RFX4: variants seen among roughly 807,000 people sequenced by gnomAD.
RFX4 encodes the protein regulatory factor X4.
RFX4 carries 10 observed loss-of-function variants against 95.0 expected under a neutral mutation model. That is an observed-to-expected ratio of 0.11 (90% CI 0.06 to 0.18). The LOEUF (loss-of-function observed/expected upper bound fraction) is 0.18, where lower values mean the gene tolerates loss of function less well. RFX4 is among the 10% of genes least tolerant of loss of function. The pLI is 1.00. For synonymous variants in RFX4, 321 were observed against 340.7 expected, an observed-to-expected ratio of 0.94 and a Z score of 0.64; for missense variants, 640 against 922.0, an observed-to-expected ratio of 0.69 and a Z score of 3.96.
At chr12:106,747,725 C>G in intron 16 of RFX4, 126 bp downstream of exon 16, 3 of 1,002,170 alleles carry the variant, frequency 3.0e-6, no homozygotes, top group East Asian at 5.1e-5. Flanking sequence ...GTCAGGAGTT[C>G]GAGACCAGCC....
chr12:106,608,040 A>AATAAAAAT (rs2039874385), intron 1 of RFX4, among the ~76,000 whole-genome samples: 2 of 152,236 alleles, frequency 1.3e-5, no homozygotes, highest in Non-Finnish European at 2.9e-5. Flanking sequence ...TAAAAATACA[A>AATAAAAAT]AAATTAGCCG....
intron 15 of RFX4, among the ~76,000 whole-genome samples, chr12:106,740,711 G>A (rs1413176595): frequency 6.6e-6 from 1 of 152,170 alleles, no homozygotes. Context: ...GAAGTAAACT[G>A]CCAGGTAAAG....
chr12:106,685,711 G>T (rs1488339988), intron 5 of RFX4, among the ~76,000 whole-genome samples: 1 of 152,152 alleles, frequency 6.6e-6, no homozygotes, highest in African/African-American at 2.4e-5. Context: ...TAGCACTGTG[G>T]CTTCATAGTC....
intron 3 of RFX4, among the ~76,000 whole-genome samples, chr12:106,646,431 CAAAAAAA>C (rs56305939): frequency 5.6e-4 from 37 of 66,258 alleles, no homozygotes; most frequent in Admixed American, 1.4e-3. Context: ...TAGTTTTATC[CAAAAAAA>C]AAAAAAAAAA....
chr12:106,657,704 A>C lies in RFX4; in HGVS notation c.315+3353A>C, dbSNP rs565988214. Among the ~76,000 whole-genome samples, 5 of 152,292 alleles carry C rather than the reference A, an allele frequency of 3.3e-5. No homozygotes were observed. The South Asian group carries it at 8.3e-4, about 25-fold the overall frequency. ...ATAATCCCTCACAAAACTAGGGATAAAATGAGACAGTGCTTATGAGGGCGT... is the reference window on the plus strand; with the variant it reads ...ATAATCCCTCACAAAACTAGGGATACAATGAGACAGTGCTTATGAGGGCGT... On this transcript the variant is annotated intron_variant, in intron 4 of 17. Coordinates refer to ENST00000392842, the MANE Select transcript of RFX4 (RefSeq NM_213594.3).
rs1565998594 is a variant in RFX4 at position 106,732,229 on chromosome 12, T to C, written c.1451T>C (p.Met484Thr). The change falls in exon 14 of 18, where the codon ATG (methionine) becomes ACG (threonine). Residue 484 changes from methionine to threonine, a missense_variant. By Grantham distance (81) the Met-to-Thr change is moderately conservative. This residue lies in a region of RFX4 where 300 missense variants were observed against 346.8 expected (regional missense o/e 0.87). Coordinates refer to ENST00000392842, the MANE Select transcript of RFX4 (RefSeq NM_213594.3). ...QERANELMRA[M>T]KGEGSTAEVR... ...CGGGCCAATGAGCTCATGCGAGCCA[T>C]GAAGGGAGAAGGAAGCACTGGTAAG... is the stretch of plus-strand genomic sequence containing the variant. The C allele has an allele frequency of 6.2e-7, 1 of 1,613,916 alleles. No individual in the cohort carries two copies. The highest frequency in any genetic ancestry group is 1.7e-5 in the Admixed American group (1 of 60,018).
intron 10 of RFX4, among the ~76,000 whole-genome samples, chr12:106,712,502 G>T (rs2042209910): frequency 6.6e-6 from 1 of 152,252 alleles, no homozygotes; most frequent in African/African-American, 2.4e-5. Flanking sequence ...TTGGTTCTGG[G>T]TGGGTTCAAG....
chr12:106,644,006 G>A (rs1043286234), intron 3 of RFX4, among the ~76,000 whole-genome samples: 3 of 152,132 alleles, frequency 2.0e-5, no homozygotes, highest in Non-Finnish European at 4.4e-5. Flanking sequence ...AGTTTCTGAA[G>A]TATGGTTTTT....
At chr12:106,612,409 C>A (rs921613838) in intron 2 of RFX4, among the ~76,000 whole-genome samples, 10 of 152,164 alleles carry the variant, frequency 6.6e-5, no homozygotes, top group African/African-American at 2.4e-4. Flanking sequence ...TCAGATTGCT[C>A]ATTCTTAGTG....
intron 2 of RFX4, among the ~76,000 whole-genome samples, chr12:106,611,303 T>G (rs1469488501): frequency 6.6e-6 from 1 of 152,198 alleles, no homozygotes; most frequent in East Asian, 1.9e-4. Context: ...TGCACAGAAA[T>G]TTTTATTTTG....
At chr12:106,585,345 A>G (rs1328428845) in intron 1 of RFX4, among the ~76,000 whole-genome samples, 1 of 152,192 alleles carries the variant, frequency 6.6e-6, no homozygotes, top group Non-Finnish European at 1.5e-5. Flanking sequence ...AACACTCCAG[A>G]GACGTTCTGA....
chr12:106,699,511 C>T (rs1392955657), intron 8 of RFX4, among the ~76,000 whole-genome samples: 1 of 152,138 alleles, frequency 6.6e-6, no homozygotes, highest in Non-Finnish European at 1.5e-5. Context: ...TAGACACCTC[C>T]AGCTCTAATT....
chr12:106,724,705 A>C (rs1565995708), intron 13 of RFX4, among the ~76,000 whole-genome samples: 1 of 152,140 alleles, frequency 6.6e-6, no homozygotes. Flanking sequence ...TCACTTAAAA[A>C]AACAACAACA....
rs2039397858 is a variant in RFX4, at chr12:106,583,145, C to T, written c.-176C>T. The T allele has an allele frequency of 6.0e-6, 3 of 500,524 alleles. No individual in the cohort carries two copies. The highest frequency in any genetic ancestry group is 4.5e-5 in the South Asian group (1 of 22,344). The allele number at this position is 500,524 out of a possible 1,614,324, so 31.0% of individuals were successfully genotyped here. On this transcript the variant is annotated 5_prime_UTR_variant, in exon 1 of 18. Transcript: ENST00000392842. ...TCTTTTCTTCTTTCTCTTTTCTTTC[C>T]TCTTCTTTTTCTTTTCTTTTCCTTT...
chr12:106,668,696 G>T (rs544084109), intron 4 of RFX4, among the ~76,000 whole-genome samples: 1 of 152,246 alleles, frequency 6.6e-6, no homozygotes, highest in Admixed American at 6.5e-5. Context: ...TCCACATAAG[G>T]GTGTTTCACA....
chr12:106,758,326 T>TGA (rs1467813602), intron 17 of RFX4, among the ~76,000 whole-genome samples: 1 of 152,232 alleles, frequency 6.6e-6, no homozygotes, highest in Non-Finnish European at 1.5e-5. Flanking sequence ...AACGAGTCAC[T>TGA]GACTCATTTG....
intron 17 of RFX4, among the ~76,000 whole-genome samples, chr12:106,753,048 C>T (rs981820295): frequency 2.0e-5 from 3 of 152,144 alleles, no homozygotes; most frequent in African/African-American, 7.2e-5. Context: ...TGGTCCACCC[C>T]CTACACTGCT....
chr12:106,660,362 A>T (rs1451038817), intron 4 of RFX4, among the ~76,000 whole-genome samples: 1 of 151,904 alleles, frequency 6.6e-6, no homozygotes, highest in Non-Finnish European at 1.5e-5. Flanking sequence ...GAAAAGCTCC[A>T]GGCACTGAGC....
intron 2 of RFX4, among the ~76,000 whole-genome samples, chr12:106,623,601 T>A (rs1166783566): frequency 6.6e-6 from 1 of 152,164 alleles, no homozygotes; most frequent in East Asian, 1.9e-4. Context: ...GTTGAAGTTT[T>A]AAAAATTACT....
Sources: gnomAD v4.1 joint callset for allele counts (sites outside exome capture counted in the v4.1 genomes callset) on GRCh38, gnomAD v4.1.1 for gene constraint, gnomAD v4.1.1 regional missense constraint, MANE v1.5 for transcripts, NCBI Gene and HGNC (gene_info 2026-07-23, HGNC 2026-07-21) for gene names.